The following PLEKHM3 variants were observed in gnomAD, a reference collection of about 807,000 sequenced individuals.
PLEKHM3 encodes the protein pleckstrin homology domain-containing family M member 3.
Under a neutral mutation model 81.8 loss-of-function variants are expected in PLEKHM3, and 45 were observed. The ratio of observed to expected loss-of-function variants is 0.55; its 90% CI spans 0.43 to 0.71. The LOEUF is 0.71. Ranked by LOEUF, PLEKHM3 falls within the 30% of genes least tolerant of loss-of-function variation. The probability of loss-of-function intolerance (pLI) is 0.00; values close to 1 mark genes in which losing one functional copy is unlikely to be tolerated. For missense variants in PLEKHM3, 788 were observed against 924.3 expected (o/e 0.85, Z 1.91); for synonymous variants, 352 against 356.4 (o/e 0.99, Z 0.14).
At chr2:207,970,305 CAA>C (rs776900419) in intron 3 of PLEKHM3, among the ~76,000 whole-genome samples, 92 of 152,100 alleles carry the variant, frequency 6.0e-4, no homozygotes, top group African/African-American at 1.2e-3. Context: ...CTCAAACACA[CAA>C]AGAGGAGGAA....
intron 3 of PLEKHM3, among the ~76,000 whole-genome samples, chr2:207,975,582 C>CTTTTTT (rs11350409): frequency 7.9e-5 from 5 of 63,022 alleles, no homozygotes; most frequent in East Asian, 5.4e-4. Flanking sequence ...GTTTTAAAAG[C>CTTTTTT]TTTTTTTTTT....
intron 7 of PLEKHM3, among the ~76,000 whole-genome samples, chr2:207,853,245 C>T (rs1286837886): frequency 6.6e-6 from 1 of 151,922 alleles, no homozygotes; most frequent in Non-Finnish European, 1.5e-5. Context: ...TGGTGAAACC[C>T]CGTCTCTACT....
chr2:207,950,612 G>A (rs1444210589), intron 3 of PLEKHM3, among the ~76,000 whole-genome samples: 1 of 152,070 alleles, frequency 6.6e-6, no homozygotes, highest in Non-Finnish European at 1.5e-5. Flanking sequence ...GGACGTTGAC[G>A]GGTAAAAGCT....
chr2:207,900,922 C>A (rs1270390375), intron 6 of PLEKHM3: 1 of 255,676 alleles, frequency 3.9e-6, no homozygotes, highest in African/African-American at 2.2e-5. Flanking sequence ...ATTATGATTA[C>A]TCTTTTAAAA....
At chr2:208,017,683 C>T (rs900711339) in intron 1 of PLEKHM3, among the ~76,000 whole-genome samples, 1 of 152,074 alleles carries the variant, frequency 6.6e-6, no homozygotes, top group Non-Finnish European at 1.5e-5. Context: ...TTTCTGACTC[C>T]ATTTCTCATT....
At chr2:207,914,663 T>G (rs573301405) in intron 5 of PLEKHM3, among the ~76,000 whole-genome samples, 13 of 137,382 alleles carry the variant, frequency 9.5e-5, no homozygotes, top group African/African-American at 3.4e-4. Context: ...GCCTGGGTGA[T>G]AAAGCAAGAC....
At position 207,985,904 on chromosome 2, in the gene PLEKHM3, C is replaced by T. The variant is rs188521335; in HGVS notation, c.611-8318G>A. ...TCGGGAAGCTGAGGCAGGAGAATGG[C>T]GTGAACCTGGGAGGTGGAGCTTGCA... is the stretch of plus-strand genomic sequence containing the variant. On this transcript the variant is annotated intron_variant, in intron 2 of 7. Transcript: ENST00000427836. Among the ~76,000 whole-genome samples the T allele has an allele frequency of 3.3e-5, 5 of 150,368 alleles. No homozygotes were observed. The East Asian group carries it at 5.9e-4, about 18-fold the overall frequency.
At position 207,827,277 on chromosome 2, in the gene PLEKHM3, A is replaced by T. The variant is rs1340074488; in HGVS notation, c.*1042T>A. On this transcript the variant is annotated 3_prime_UTR_variant, in exon 8 of 8. Transcript: ENST00000427836. ...GTCGAAATGAAAGTGCAGGAAGAAC[A>T]ACGAGAAATAAAGCACTTAAAATGA... 1.3e-5 allele frequency: 2 copies of T among 152,206 alleles called. No homozygotes were observed. The highest frequency in any genetic ancestry group is 2.9e-5 in the Non-Finnish European group (2 of 68,030). 9.4% of individuals were successfully genotyped at this position (152,206 alleles called of 1,614,324 possible).
intron 7 of PLEKHM3, among the ~76,000 whole-genome samples, chr2:207,854,809 A>G (rs116427955): frequency 3.3e-5 from 5 of 152,194 alleles, no homozygotes; most frequent in Admixed American, 6.5e-5. Context: ...AAAGACCCCT[A>G]TGAACTCAGA....
intron 6 of PLEKHM3, among the ~76,000 whole-genome samples, chr2:207,894,112 T>C (rs1375198603): frequency 6.6e-6 from 1 of 152,126 alleles, no homozygotes; most frequent in Non-Finnish European, 1.5e-5. Context: ...AGAGTCCTGG[T>C]CTTAAAAATA....
chr2:207,936,107 G>A (rs963897790), intron 4 of PLEKHM3, among the ~76,000 whole-genome samples: 1 of 152,152 alleles, frequency 6.6e-6, no homozygotes, highest in African/African-American at 2.4e-5. Flanking sequence ...CTCAGCCTCT[G>A]GAGTAGCTAG....
At chr2:207,846,506 T>C (rs2092383892) in intron 7 of PLEKHM3, among the ~76,000 whole-genome samples, 1 of 151,712 alleles carries the variant, frequency 6.6e-6, no homozygotes, top group Non-Finnish European at 1.5e-5. Context: ...TTAGAGCCAA[T>C]TAAAATTTTT....
At position 208,001,751 on chromosome 2, in the gene PLEKHM3, A is replaced by C. The variant is rs1224488934; in HGVS notation, c.-112T>G. 1 of 1,491,596 alleles carries C rather than the reference A, an allele frequency of 6.7e-7. No homozygotes were observed. Among genetic ancestry groups the C allele is most frequent in the Non-Finnish European group, 8.9e-7 (1 of 1,124,870 alleles). The allele number at this position is 1,491,596 out of a possible 1,614,324, so 92.4% of individuals were successfully genotyped here. On this transcript the variant is annotated 5_prime_UTR_variant, in exon 2 of 8. Coordinates refer to ENST00000427836, the MANE Select transcript of PLEKHM3 (RefSeq NM_001080475.3). ...GCAATAGAGCTATGGAAACAACTGGAAGAAACCTTCATTGGGCTCCCTGGA... is the reference window on the plus strand; with the variant it reads ...GCAATAGAGCTATGGAAACAACTGGCAGAAACCTTCATTGGGCTCCCTGGA...
At chr2:207,873,263 A>T (rs1574357339) in intron 6 of PLEKHM3, among the ~76,000 whole-genome samples, 1 of 152,296 alleles carries the variant, frequency 6.6e-6, no homozygotes, top group East Asian at 1.9e-4. Flanking sequence ...GCTGATTGAG[A>T]TCTGAAATGG....
chr2:207,876,594 T>G (rs566316094), intron 6 of PLEKHM3, among the ~76,000 whole-genome samples: 1 of 152,358 alleles, frequency 6.6e-6, no homozygotes, highest in East Asian at 1.9e-4. Flanking sequence ...GAATGACTTA[T>G]GCAGTGTCAA....
chr2:207,832,827 T>C lies in PLEKHM3; in HGVS notation c.2109-4331A>G, dbSNP rs1013029210. On this transcript the variant is annotated intron_variant, in intron 7 of 7. Coordinates refer to ENST00000427836, the MANE Select transcript of PLEKHM3 (RefSeq NM_001080475.3). ...CCCCACACCAGAAAAAAAAGATTCATTGGGCTGGGTGCGGTGGCTCATGCC... is the reference window on the plus strand; with the variant it reads ...CCCCACACCAGAAAAAAAAGATTCACTGGGCTGGGTGCGGTGGCTCATGCC... Among the ~76,000 whole-genome samples, 8 of 132,478 alleles carry C rather than the reference T, an allele frequency of 6.0e-5. No homozygotes were observed. In the South Asian group the frequency reaches 7.3e-4, roughly 12 times the overall value. 86.9% of individuals were successfully genotyped at this position (132,478 alleles called of 152,430 possible).
chr2:208,007,865 C>T (rs1266409807), intron 1 of PLEKHM3, among the ~76,000 whole-genome samples: 3 of 152,106 alleles, frequency 2.0e-5, no homozygotes, highest in Non-Finnish European at 4.4e-5. Flanking sequence ...ACCATCCTGG[C>T]TAACATGGTG....
chr2:207,982,578 CTTTTTTTTTT>C lies in PLEKHM3; in HGVS notation c.611-5002_611-4993del, dbSNP rs34116964. ...AGCCACTGTGTCCAGCATTGATTTT[CTTTTTTTTTT>C]TTTTTTTGAGACGAAGTCTTGCTCT... On this transcript the variant is annotated intron_variant, in intron 2 of 7. Transcript: ENST00000427836. 7.0e-4 allele frequency among the ~76,000 whole-genome samples: 91 copies of C among 129,170 alleles called. 2 individuals carry two copies. The highest frequency in any genetic ancestry group is 2.4e-3 in the African/African-American group (85 of 34,894). The allele number at this position is 129,170 out of a possible 152,430, so 84.7% of individuals were successfully genotyped here.
intron 4 of PLEKHM3, 34 bp from the exon 5 acceptor site, chr2:207,931,153 A>C (rs1319359482): frequency 6.4e-7 from 1 of 1,562,208 alleles, no homozygotes; most frequent in East Asian, 2.3e-5. Flanking sequence ...AGTCCTGGAG[A>C]AGCACCTGGC....
Sources: gnomAD v4.1 joint callset for allele counts (sites outside exome capture counted in the v4.1 genomes callset) on GRCh38, gnomAD v4.1.1 for gene constraint, MANE v1.5 for transcripts, NCBI Gene and HGNC (gene_info 2026-07-23, HGNC 2026-07-21) for gene names.